Variants in SAMD12 observed in about 807,000 individuals in gnomAD.
SAMD12 encodes sterile alpha motif domain containing 12, also known as sterile alpha motif domain-containing protein 12.
A neutral mutation model predicts 15.0 loss-of-function variants in SAMD12; 9 were observed. The ratio of observed to expected loss-of-function variants is 0.60; its 90% confidence interval spans 0.36 to 1.05. SAMD12 has a LOEUF of 1.05. SAMD12 is among the 50% of genes least tolerant of loss of function. The probability of loss-of-function intolerance (pLI) is 0.01; values close to 1 mark genes in which losing one functional copy is unlikely to be tolerated. For missense variants in SAMD12, 230 were observed against 234.2 expected, an observed-to-expected ratio of 0.98 and a Z score of 0.12; for synonymous variants, 86 against 90.1, an observed-to-expected ratio of 0.96 and a Z score of 0.25.
rs1048010023 is a variant in SAMD12 at position 118,465,520 on chromosome 8, G to A, written c.193-25559C>T. On this transcript the variant is annotated intron_variant, in intron 2 of 3. Coordinates refer to ENST00000314727, the MANE Select transcript of SAMD12 (RefSeq NM_207506.3). ...TGTTATTCTCAAACAGTCCTGCACA[G>A]TCTCTAGATCTGTTTAATTATATAT... 5.7e-4 allele frequency among the ~76,000 whole-genome samples: 87 copies of A among 152,218 alleles called. 2 individuals carry two copies. The highest frequency in any genetic ancestry group is 2.0e-4 in the Admixed American group (3 of 15,292).
intron 4 of SAMD12, among the ~76,000 whole-genome samples, chr8:118,344,185 C>T (rs1817512520): frequency 6.6e-6 from 1 of 152,142 alleles, no homozygotes; most frequent in African/African-American, 2.4e-5. Context: ...CTCACTGTTG[C>T]ATTCTGTTTT....
chr8:118,410,228 G>T (rs532796263), intron 3 of SAMD12, among the ~76,000 whole-genome samples: 2 of 152,150 alleles, frequency 1.3e-5, no homozygotes, highest in Non-Finnish European at 2.9e-5. Context: ...AAATGAAAAT[G>T]CATGAAAGAG....
At chr8:118,268,111 A>G (rs1466227541) in intron 4 of SAMD12, among the ~76,000 whole-genome samples, 2 of 152,116 alleles carry the variant, frequency 1.3e-5, no homozygotes, top group African/African-American at 4.8e-5. Flanking sequence ...AAAGAAAGAA[A>G]GAAATCCTAC....
intron 3 of SAMD12, among the ~76,000 whole-genome samples, chr8:118,424,401 G>A (rs1368658122): frequency 6.6e-6 from 1 of 152,014 alleles, no homozygotes; most frequent in Non-Finnish European, 1.5e-5. Context: ...TTAGGGAAAG[G>A]GAAACTGAGG....
intron 3 of SAMD12, among the ~76,000 whole-genome samples, chr8:118,439,209 G>A (rs1213793937): frequency 1.2e-4 from 19 of 152,096 alleles, no homozygotes; most frequent in South Asian, 2.1e-4. Context: ...AAATGGAATC[G>A]TTATCTGTGC....
intron 2 of SAMD12, among the ~76,000 whole-genome samples, chr8:118,513,252 G>A (rs1208780625): frequency 6.6e-6 from 1 of 152,104 alleles, no homozygotes; most frequent in Non-Finnish European, 1.5e-5. Context: ...AAAGAGATTT[G>A]AGAAATTTTA....
At chr8:118,499,982 T>A (rs533252411) in intron 2 of SAMD12, among the ~76,000 whole-genome samples, 1 of 148,274 alleles carries the variant, frequency 6.7e-6, no homozygotes, top group Admixed American at 6.7e-5. Context: ...TCTTCCCACA[T>A]CAGAGTAGAC....
chr8:118,599,588 C>T (rs1205817342), intron 1 of SAMD12, among the ~76,000 whole-genome samples: 1 of 152,198 alleles, frequency 6.6e-6, no homozygotes, highest in African/African-American at 2.4e-5. Context: ...AATCACCCCA[C>T]TTTCACAACG....
At chr8:118,232,949 A>C (rs1230091414) in intron 4 of SAMD12, among the ~76,000 whole-genome samples, 2 of 152,182 alleles carry the variant, frequency 1.3e-5, no homozygotes, top group East Asian at 3.9e-4. Flanking sequence ...TGCCAGAAAG[A>C]ATCTGAGCAA....
At chr8:118,211,775 C>T (rs562684335) in intron 4 of SAMD12, among the ~76,000 whole-genome samples, 5 of 152,164 alleles carry the variant, frequency 3.3e-5, no homozygotes, top group East Asian at 1.9e-4. Flanking sequence ...TCCCTCCAGA[C>T]GGTTAGTGTT....
chr8:118,587,720 A>G (rs974836019), intron 1 of SAMD12, among the ~76,000 whole-genome samples: 8 of 152,232 alleles, frequency 5.3e-5, no homozygotes, highest in Admixed American at 4.6e-4. Flanking sequence ...TAATAGTCAC[A>G]TTGGCTCTGA....
chr8:118,394,584 G>A (rs1259954068), intron 3 of SAMD12, among the ~76,000 whole-genome samples: 1 of 152,210 alleles, frequency 6.6e-6, no homozygotes, highest in Non-Finnish European at 1.5e-5. Flanking sequence ...GCTTAAGAGT[G>A]ACAGTCCCAT....
chr8:118,216,540 A>C (rs1254009095), intron 4 of SAMD12, among the ~76,000 whole-genome samples: 1 of 152,176 alleles, frequency 6.6e-6, no homozygotes, highest in Non-Finnish European at 1.5e-5. Context: ...TCTACTCCAG[A>C]GATCTATATT....
At chr8:118,251,969 T>TA in intron 4 of SAMD12, among the ~76,000 whole-genome samples, 1 of 152,098 alleles carries the variant, frequency 6.6e-6, no homozygotes, top group East Asian at 1.9e-4. Flanking sequence ...AGGGGAAAGA[T>TA]ACTTCAATTA....
At chr8:118,332,708 A>G (rs1331031021) in intron 4 of SAMD12, among the ~76,000 whole-genome samples, 1 of 152,188 alleles carries the variant, frequency 6.6e-6, no homozygotes, top group Non-Finnish European at 1.5e-5. Flanking sequence ...TTGACATTCC[A>G]ATACTGGAGT....
At chr8:118,517,930 C>T (rs972263246) in intron 2 of SAMD12, among the ~76,000 whole-genome samples, 1 of 152,254 alleles carries the variant, frequency 6.6e-6, no homozygotes, top group East Asian at 1.9e-4. Context: ...GGACCTTGAA[C>T]AATGTCATTC....
chr8:118,551,546 T>C (rs1826335574), intron 2 of SAMD12, among the ~76,000 whole-genome samples: 1 of 152,156 alleles, frequency 6.6e-6, no homozygotes, highest in Admixed American at 6.5e-5. Flanking sequence ...GGGAAATTTA[T>C]AGCAGTAAAT....
intron 2 of SAMD12, among the ~76,000 whole-genome samples, chr8:118,471,021 T>C (rs1240623041): frequency 6.6e-6 from 1 of 152,216 alleles, no homozygotes; most frequent in African/African-American, 2.4e-5. Flanking sequence ...TTTAAAAATC[T>C]GTGAAATACA....
rs1383583050 is a variant in SAMD12 at position 118,378,297 on chromosome 8, C to T, written c.*1120G>A. 1.4e-6 allele frequency: 1 copy of T among 730,482 alleles called. No individual in the cohort carries two copies. Among genetic ancestry groups the T allele is most frequent in the East Asian group, 1.3e-4 (1 of 7,582 alleles). 45.3% of individuals were successfully genotyped at this position (730,482 alleles called of 1,614,324 possible). ...TAAATTTTCCGTTTTCCAAATAGCA[C>T]TGTGACAGACTTTCTTATCATAATC... On this transcript the variant is annotated 3_prime_UTR_variant, in exon 4 of 4. Coordinates refer to ENST00000314727, the MANE Select transcript of SAMD12 (RefSeq NM_207506.3).
Sources: allele counts gnomAD v4.1 joint callset (sites outside exome capture counted in the v4.1 genomes callset), GRCh38; gene constraint gnomAD v4.1.1; transcripts MANE v1.5; gene names NCBI Gene and HGNC (gene_info 2026-07-23, HGNC 2026-07-21).